The following LRRC4C variants were observed in gnomAD, a reference collection of about 807,000 sequenced individuals.
The protein encoded by LRRC4C is leucine rich repeat containing 4C, also known as leucine-rich repeat-containing protein 4C.
LRRC4C carries 5 observed loss-of-function variants against 33.6 expected under a neutral mutation model. The ratio of observed to expected loss-of-function variants is 0.15; its 90% CI spans 0.08 to 0.31. The LOEUF is 0.31. Ranked by LOEUF, LRRC4C falls within the 10% of genes least tolerant of loss-of-function variation. The pLI is 1.00. For missense variants in LRRC4C, 560 were observed against 796.7 expected, an observed-to-expected ratio of 0.70 and a Z score of 3.58; for synonymous variants, 329 against 302.0, an observed-to-expected ratio of 1.09 and a Z score of -0.93.
intron 2 of LRRC4C, among the ~76,000 whole-genome samples, chr11:40,761,443 T>C (rs908050275): frequency 2.6e-5 from 4 of 152,256 alleles, no homozygotes; most frequent in Middle Eastern, 3.4e-3. Context: ...GGGGTTGAGC[T>C]GAAGAAAGCC....
intron 2 of LRRC4C, among the ~76,000 whole-genome samples, chr11:40,816,188 G>A (rs1951698941): frequency 6.6e-6 from 1 of 152,088 alleles, no homozygotes; most frequent in Non-Finnish European, 1.5e-5. Flanking sequence ...TTTCTTTTTG[G>A]GATGCAAATG....
chr11:40,768,983 G>A (rs1263692924), intron 2 of LRRC4C, among the ~76,000 whole-genome samples: 1 of 152,004 alleles, frequency 6.6e-6, no homozygotes, highest in Non-Finnish European at 1.5e-5. Flanking sequence ...GTCCCAGCTA[G>A]TGTTATCAGA....
chr11:40,955,941 C>A (rs1054643740), intron 1 of LRRC4C, among the ~76,000 whole-genome samples: 1 of 151,786 alleles, frequency 6.6e-6, no homozygotes, highest in African/African-American at 2.4e-5. Flanking sequence ...CTATGTTGTT[C>A]TCATTCACAT....
intron 2 of LRRC4C, among the ~76,000 whole-genome samples, chr11:40,925,130 T>C (rs527276665): frequency 2.4e-4 from 37 of 151,952 alleles, no homozygotes; most frequent in African/African-American, 8.9e-4. Context: ...TATTTCTCTC[T>C]CTCTCTCTCT....
chr11:41,160,630 T>C (rs1020819109), intron 1 of LRRC4C, among the ~76,000 whole-genome samples: 3 of 152,152 alleles, frequency 2.0e-5, no homozygotes, highest in Non-Finnish European at 4.4e-5. Context: ...TCTTTATTCA[T>C]TTATTTAAGT....
Position 40,116,295 on chromosome 11 carries a change from A to G in LRRC4C, c.-3T>C, listed in dbSNP as rs1310892469. The G allele has an allele frequency of 6.3e-7, 1 of 1,583,274 alleles. No individual in the cohort carries two copies. Among genetic ancestry groups the G allele is most frequent in the Non-Finnish European group, 8.6e-7 (1 of 1,160,462 alleles). ...TGTAAGGTCATCTTGTTCAACATTCATAATTTATCTGGTGTTGGTCCTTCT... is the reference window on the plus strand; with the variant it reads ...TGTAAGGTCATCTTGTTCAACATTCGTAATTTATCTGGTGTTGGTCCTTCT... On this transcript the variant is annotated 5_prime_UTR_variant, in exon 7 of 7. An upstream start codon of the reference 5' UTR is lost. Coordinates refer to ENST00000528697, the MANE Select transcript of LRRC4C (RefSeq NM_001258419.2).
chr11:40,490,286 G>C (rs925631544), intron 3 of LRRC4C, among the ~76,000 whole-genome samples: 1 of 152,052 alleles, frequency 6.6e-6, no homozygotes, highest in Non-Finnish European at 1.5e-5. Context: ...GTTATTATTA[G>C]ATAAAGCACT....
intron 1 of LRRC4C, among the ~76,000 whole-genome samples, chr11:41,164,273 G>C (rs1341304483): frequency 1.3e-5 from 2 of 150,488 alleles, no homozygotes; most frequent in Non-Finnish European, 3.0e-5. Context: ...AGAGGGTCAG[G>C]GTCATAAATA....
At chr11:40,806,595 T>G (rs1246409125) in intron 2 of LRRC4C, among the ~76,000 whole-genome samples, 2 of 152,220 alleles carry the variant, frequency 1.3e-5, no homozygotes, top group East Asian at 1.9e-4. Flanking sequence ...AACCTGCTAT[T>G]GATGGAACAA....
intron 1 of LRRC4C, among the ~76,000 whole-genome samples, chr11:41,055,396 C>T (rs921008160): frequency 2.6e-5 from 4 of 152,082 alleles, no homozygotes; most frequent in Non-Finnish European, 5.9e-5. Context: ...GTATGGTCAG[C>T]CTTAGTGGAG....
chr11:41,046,513 T>G (rs1857784712), intron 1 of LRRC4C, among the ~76,000 whole-genome samples: 1 of 152,136 alleles, frequency 6.6e-6, no homozygotes, highest in South Asian at 2.1e-4. Context: ...ACATCACTCT[T>G]GTTAAAAATG....
intron 1 of LRRC4C, among the ~76,000 whole-genome samples, chr11:41,095,172 G>C (rs138786004): frequency 6.6e-5 from 10 of 151,930 alleles, no homozygotes; most frequent in African/African-American, 9.7e-5. Context: ...GGGGAAGCAG[G>C]CACCTTCCTC....
intron 2 of LRRC4C, among the ~76,000 whole-genome samples, chr11:40,924,122 G>GTATATA (rs1555003536): frequency 1.4e-5 from 2 of 145,252 alleles, no homozygotes; most frequent in African/African-American, 5.0e-5. Flanking sequence ...GTGTGTGTGT[G>GTATATA]TATATATATA....
chr11:40,895,539 T>C (rs1314682826), intron 2 of LRRC4C, among the ~76,000 whole-genome samples: 4 of 152,146 alleles, frequency 2.6e-5, no homozygotes, highest in Non-Finnish European at 5.9e-5. Context: ...AGGGACATCA[T>C]CTTCTGTGCC....
intron 3 of LRRC4C, among the ~76,000 whole-genome samples, chr11:40,538,858 G>C (rs779838022): frequency 1.8e-4 from 28 of 152,146 alleles, no homozygotes; most frequent in African/African-American, 6.0e-4. Flanking sequence ...ATGGTATCTC[G>C]TTGTGGTTTT....
At chr11:40,341,028 G>T (rs955333526) in intron 3 of LRRC4C, among the ~76,000 whole-genome samples, 1 of 152,248 alleles carries the variant, frequency 6.6e-6, no homozygotes, top group Middle Eastern at 3.4e-3. Context: ...TCTTGGACTT[G>T]CCAAGGCTCT....
At chr11:41,078,265 C>T (rs536119815) in intron 1 of LRRC4C, among the ~76,000 whole-genome samples, 3 of 152,158 alleles carry the variant, frequency 2.0e-5, no homozygotes, top group Admixed American at 2.0e-4. Flanking sequence ...TTCTTCTAAG[C>T]CCTCCAAACT....
At chr11:41,212,921 C>T (rs765082554) in intron 1 of LRRC4C, among the ~76,000 whole-genome samples, 29 of 152,230 alleles carry the variant, frequency 1.9e-4, no homozygotes, top group Non-Finnish European at 3.4e-4. Context: ...TAAGGTAAAT[C>T]GTAAAGGCTT....
chr11:40,962,965 A>C (rs1397885496), intron 1 of LRRC4C, among the ~76,000 whole-genome samples: 1 of 151,710 alleles, frequency 6.6e-6, no homozygotes, highest in African/African-American at 2.4e-5. Context: ...AAACTGACTT[A>C]TTAATTCAAA....
Sources: gnomAD v4.1 joint callset for allele counts (sites outside exome capture counted in the v4.1 genomes callset) on GRCh38, gnomAD v4.1.1 for gene constraint, MANE v1.5 for transcripts, NCBI Gene and HGNC (gene_info 2026-07-23, HGNC 2026-07-21) for gene names.